Variants in APIP observed in about 807,000 individuals in gnomAD.
APIP encodes methylthioribulose-1-phosphate dehydratase.
APIP carries 32 observed loss-of-function variants against 32.0 expected under a neutral mutation model. That is an observed-to-expected ratio of 1.00 (90% CI 0.76 to 1.34). The LOEUF (loss-of-function observed/expected upper bound fraction) is 1.34. Among genes scored for constraint, APIP ranks in the 40% most tolerant of loss-of-function variants. The probability of loss-of-function intolerance (pLI) is 0.00; values close to 1 mark genes in which losing one functional copy is unlikely to be tolerated. For missense variants in APIP, 247 were observed against 298.6 expected (o/e 0.83, Z 1.27); for synonymous variants, 92 against 94.8 (o/e 0.97, Z 0.17).
chr11:34,908,130 A>G (rs1450190121), intron 1 of APIP, among the ~76,000 whole-genome samples: 1 of 152,256 alleles, frequency 6.6e-6, no homozygotes, highest in East Asian at 1.9e-4. Context: ...CAAAACATAC[A>G]TAATATAAGT....
chr11:34,884,203 T>C (rs1353059559), intron 5 of APIP, among the ~76,000 whole-genome samples: 3 of 152,250 alleles, frequency 2.0e-5, no homozygotes, highest in African/African-American at 7.2e-5. Context: ...CTTTCCTTTT[T>C]ACATGAATTT....
At position 34,888,859 on chromosome 11, in the gene APIP, A is replaced by G. The variant is rs1159547359; in HGVS notation, c.218T>C (p.Met73Thr). Residue 73 changes from methionine (M) to threonine (T), a missense_variant, in exon 4 of 7, where the codon ATG becomes ACG. Physicochemically the swap from Met to Thr is moderately conservative, Grantham distance 81. Transcript: ENST00000395787. ...VQKERIQPED[M>T]FVCDINEKDI... ...CTTTTCATTTATATCACAAACAAAC[A>G]TGTCTTCAGGCTATTTATAGAGGGG... 7 of 1,486,050 alleles carry G rather than the reference A, an allele frequency of 4.7e-6. No individual in the cohort carries two copies. In the South Asian group the frequency reaches 7.2e-5, roughly 15 times the overall value. 92.1% of individuals were successfully genotyped at this position (1,486,050 alleles called of 1,614,324 possible).
At chr11:34,911,865 T>C (rs1234337230) in intron 1 of APIP, among the ~76,000 whole-genome samples, 1 of 152,160 alleles carries the variant, frequency 6.6e-6, no homozygotes. Flanking sequence ...CATCCCCTAA[T>C]GGAACTTCAT....
chr11:34,893,861 T>G (rs1454703937), intron 2 of APIP, among the ~76,000 whole-genome samples: 1 of 152,226 alleles, frequency 6.6e-6, no homozygotes, highest in Non-Finnish European at 1.5e-5. Context: ...TTCCTTAATA[T>G]GCAATGCAGC....
At chr11:34,916,191 T>G (rs1227485741) in intron 1 of APIP, 37 bp downstream of exon 1, 2 of 1,598,660 alleles carry the variant, frequency 1.3e-6, no homozygotes, top group Admixed American at 1.7e-5. Flanking sequence ...GGGCCTCTCC[T>G]CCTGGGAATA....
In APIP at chr11:34,916,261, C is replaced by T; in HGVS notation, c.24G>A (p.Glu8=). The T allele has an allele frequency of 6.2e-7, 1 of 1,612,676 alleles. No homozygotes were observed. Among genetic ancestry groups the T allele is most frequent in the Non-Finnish European group, 8.5e-7 (1 of 1,179,576 alleles). ...CGCATCTCCGGGAACAACAGTCTCC[C>T]TCCCGAGCATCACAGCCAGACATGG... is the stretch of plus-strand genomic sequence containing the variant. MSGCDAR[E]GDCCSRRCGA... Residue 8 remains glutamate (E), a synonymous_variant, in exon 1 of 7, where the codon GAG becomes GAA. Coordinates refer to ENST00000395787, the MANE Select transcript of APIP (RefSeq NM_015957.4).
intron 1 of APIP, among the ~76,000 whole-genome samples, chr11:34,909,438 C>G (rs1201905419): frequency 1.3e-5 from 2 of 152,066 alleles, no homozygotes; most frequent in African/African-American, 4.8e-5. Context: ...CGGCAGGGAT[C>G]AACTTTGATT....
At chr11:34,910,488 G>C (rs994502768) in intron 1 of APIP, among the ~76,000 whole-genome samples, 15 of 152,146 alleles carry the variant, frequency 9.9e-5, no homozygotes, top group Admixed American at 5.2e-4. Context: ...TGAGGAGACA[G>C]GGAAAGATTA....
At chr11:34,915,919 G>C in intron 1 of APIP, 1 of 481,708 alleles carries the variant, frequency 2.1e-6, no homozygotes, top group Non-Finnish European at 3.7e-6. Flanking sequence ...TCTCTGGCCT[G>C]CCTTCCTGAT....
At chr11:34,915,583 T>A (rs1853659318) in intron 1 of APIP, among the ~76,000 whole-genome samples, 1 of 152,238 alleles carries the variant, frequency 6.6e-6, no homozygotes, top group Admixed American at 6.5e-5. Context: ...TATCCCTATC[T>A]CTGAGCGTGT....
At chr11:34,904,004 G>C (rs1853404482) in intron 1 of APIP, among the ~76,000 whole-genome samples, 1 of 152,146 alleles carries the variant, frequency 6.6e-6, no homozygotes, top group Non-Finnish European at 1.5e-5. Context: ...TGTGAAGTCT[G>C]TCTTAAAAAT....
At chr11:34,907,366 G>C (rs2116084) in intron 1 of APIP, among the ~76,000 whole-genome samples, 56,573 of 151,994 alleles carry the variant, frequency 0.37, 10,925 homozygotes, top group East Asian at 0.74. Flanking sequence ...TACAGAAAAT[G>C]GTCTTTTATT....
chr11:34,900,715 A>C (rs1477554562), intron 1 of APIP, among the ~76,000 whole-genome samples: 4 of 151,956 alleles, frequency 2.6e-5, no homozygotes, highest in African/African-American at 9.7e-5. Flanking sequence ...AGAAGTGGAA[A>C]CTCCATTCCT....
chr11:34,894,129 C>A (rs1409534185), intron 2 of APIP, among the ~76,000 whole-genome samples: 1 of 152,136 alleles, frequency 6.6e-6, no homozygotes, highest in Non-Finnish European at 1.5e-5. Flanking sequence ...CTAATACTTA[C>A]TTTATTTCTT....
chr11:34,883,556 T>TA, intron 5 of APIP, 52 bp from the exon 6 acceptor site: 1 of 1,576,222 alleles, frequency 6.3e-7, no homozygotes, highest in Non-Finnish European at 8.6e-7. Context: ...CAAGCATTGA[T>TA]ATGTATACAA....
chr11:34,888,629 C>A, intron 4 of APIP, 123 bp downstream of exon 4: 1 of 1,099,580 alleles, frequency 9.1e-7, no homozygotes, highest in South Asian at 1.6e-5. Flanking sequence ...TGAGTAAGTT[C>A]ATGCACTTCA....
intron 2 of APIP, among the ~76,000 whole-genome samples, chr11:34,893,502 C>T (rs1293679407): frequency 2.0e-5 from 3 of 152,228 alleles, no homozygotes; most frequent in South Asian, 4.2e-4. Flanking sequence ...ATGTTGTTAT[C>T]GTAGGATTTG....
chr11:34,916,301 CCG>C lies in APIP; in HGVS notation c.-19_-18del. On this transcript the variant is annotated 5_prime_UTR_variant, in exon 1 of 7. Coordinates refer to ENST00000395787, the MANE Select transcript of APIP (RefSeq NM_015957.4). ...GCCAGACATGGCCCAGACCAGGGAC[CCG>C]CGCGGCCTCCAATCTCCGCACGGCT... 1 of 1,611,230 alleles carries C rather than the reference CCG, an allele frequency of 6.2e-7. No homozygotes were observed. Among genetic ancestry groups the C allele is most frequent in the Non-Finnish European group, 8.5e-7 (1 of 1,178,990 alleles).
At chr11:34,910,462 A>T (rs1485567792) in intron 1 of APIP, among the ~76,000 whole-genome samples, 1 of 152,240 alleles carries the variant, frequency 6.6e-6, no homozygotes, top group Non-Finnish European at 1.5e-5. Context: ...TTTCTGTTAC[A>T]TGCTAACGGG....
Sources: gnomAD v4.1 joint callset for allele counts (sites outside exome capture counted in the v4.1 genomes callset) on GRCh38, gnomAD v4.1.1 for gene constraint, MANE v1.5 for transcripts, NCBI Gene and HGNC (gene_info 2026-07-23, HGNC 2026-07-21) for gene names.